Variants in SRFBP1 observed in about 807,000 individuals in gnomAD.
The protein encoded by SRFBP1 is serum response factor-binding protein 1.
Under a neutral mutation model 45.5 loss-of-function variants are expected in SRFBP1, and 47 were observed. The ratio of observed to expected loss-of-function variants is 1.03; its 90% CI spans 0.82 to 1.32. SRFBP1 has a LOEUF of 1.32. Among genes scored for constraint, SRFBP1 ranks in the 40% most tolerant of loss-of-function variants. The pLI, the probability that SRFBP1 is intolerant of heterozygous loss-of-function variation, is 0.00. For missense variants in SRFBP1, 621 were observed against 484.6 expected, an observed-to-expected ratio of 1.28 and a Z score of -2.64; for synonymous variants, 203 against 166.3, an observed-to-expected ratio of 1.22 and a Z score of -1.70.
chr5:122,016,742 C>T (rs1753200892), intron 4 of SRFBP1, among the ~76,000 whole-genome samples: 1 of 152,104 alleles, frequency 6.6e-6, no homozygotes, highest in Non-Finnish European at 1.5e-5. Context: ...TTCTATCTTT[C>T]CTCTATTGTA....
chr5:121,999,897 T>C (rs1375568896), intron 4 of SRFBP1, among the ~76,000 whole-genome samples: 2 of 152,138 alleles, frequency 1.3e-5, no homozygotes, highest in Non-Finnish European at 2.9e-5. Flanking sequence ...AATCTGATAA[T>C]CTCTCTTTTA....
chr5:121,975,272 T>C (rs1209854989), intron 2 of SRFBP1, 43 bp from the exon 3 acceptor site: 1 of 1,594,218 alleles, frequency 6.3e-7, no homozygotes, highest in Non-Finnish European at 8.6e-7. Context: ...AAGTCTAAAA[T>C]TAATGCTTTG....
At chr5:122,003,342 C>T (rs1440102552) in intron 4 of SRFBP1, among the ~76,000 whole-genome samples, 2 of 130,172 alleles carry the variant, frequency 1.5e-5, no homozygotes, top group African/African-American at 3.2e-5. Context: ...GACCCTGTCT[C>T]AGAGAAAAAA....
chr5:122,077,767 G>T (rs752995014), downstream of SRFBP1: 258 of 1,551,522 alleles, frequency 1.7e-4, no homozygotes, highest in Non-Finnish European at 2.1e-4. The surrounding 1 kb of genome is among the most constrained non-coding windows in gnomAD (Gnocchi z 4.9). Flanking sequence ...GGACGGCGGC[G>T]CCCGGGTCCC....
chr5:122,003,511 G>T (rs914671405), intron 4 of SRFBP1, among the ~76,000 whole-genome samples: 12 of 151,990 alleles, frequency 7.9e-5, no homozygotes, highest in African/African-American at 1.2e-4. Context: ...ACAATAATTG[G>T]TTTTTTGCCA....
intron 2 of SRFBP1, among the ~76,000 whole-genome samples, chr5:122,052,816 G>A (rs1754013606): frequency 6.6e-6 from 1 of 152,196 alleles, no homozygotes; most frequent in Non-Finnish European, 1.5e-5. Flanking sequence ...GGAGGAAAGA[G>A]GCTTTTTGAG....
At chr5:122,023,675 A>G (rs1753410551) in intron 7 of SRFBP1, among the ~76,000 whole-genome samples, 1 of 152,176 alleles carries the variant, frequency 6.6e-6, no homozygotes, top group Non-Finnish European at 1.5e-5. Context: ...GGTATTTAAC[A>G]TGATCTCTTT....
rs2112707314 is a variant in SRFBP1 at position 122,020,212 on chromosome 5, G to C, written c.477G>C (p.Gln159His). ...CAAATGATAATGGAAGTAATTTACA[G>C]CGTGAAGCAACTGTCATCAGTGAGC... Reference protein sequence around the residue: ...LYSNDNGSNLQREATVISEQK... With the variant: ...LYSNDNGSNLHREATVISEQK... The change falls in exon 6 of 8, where the codon CAG becomes CAC. Residue 159 changes from glutamine to histidine, a missense_variant. Coordinates refer to ENST00000339397, the MANE Select transcript of SRFBP1 (RefSeq NM_152546.3). The C allele has an allele frequency of 3.1e-6, 5 of 1,613,544 alleles. No homozygotes were observed. In the East Asian group the frequency reaches 8.9e-5, roughly 29 times the overall value.
At chr5:122,008,835 A>T (rs988283186) in intron 4 of SRFBP1, among the ~76,000 whole-genome samples, 34 of 152,322 alleles carry the variant, frequency 2.2e-4, no homozygotes, top group African/African-American at 8.2e-4. Context: ...GGCATATTTC[A>T]GAAACTAGGA....
chr5:122,032,296 G>A (rs1472371442), downstream of SRFBP1, among the ~76,000 whole-genome samples: 1 of 150,550 alleles, frequency 6.6e-6, no homozygotes, highest in African/African-American at 2.4e-5. Context: ...TATATGAAAC[G>A]GCAACACTGT....
At chr5:122,025,853 C>A (rs1278709761) in intron 7 of SRFBP1, among the ~76,000 whole-genome samples, 1 of 152,178 alleles carries the variant, frequency 6.6e-6, no homozygotes, top group Non-Finnish European at 1.5e-5. Context: ...GTAATCCCAG[C>A]ACTTTGGGAG....
chr5:122,002,596 AATC>A (rs1752892471), intron 4 of SRFBP1, among the ~76,000 whole-genome samples: 1 of 152,224 alleles, frequency 6.6e-6, no homozygotes, highest in East Asian at 1.9e-4. Context: ...CCTAAGGAGG[AATC>A]ATCAGTCCAC....
At chr5:122,029,219 A>G (rs1478447946), downstream of SRFBP1, among the ~76,000 whole-genome samples, 1 of 152,132 alleles carries the variant, frequency 6.6e-6, no homozygotes, top group Admixed American at 6.5e-5. Context: ...AAAGAATTTT[A>G]TAGCCCAAAA....
intron 4 of SRFBP1, among the ~76,000 whole-genome samples, chr5:122,018,714 T>C (rs1753236065): frequency 6.6e-6 from 1 of 152,178 alleles, no homozygotes; most frequent in African/African-American, 2.4e-5. Context: ...TCCAAATTTA[T>C]AAATATATTG....
At chr5:122,044,218 A>G (rs1753815005) in intron 2 of SRFBP1, among the ~76,000 whole-genome samples, 1 of 152,168 alleles carries the variant, frequency 6.6e-6, no homozygotes, top group African/African-American at 2.4e-5. Flanking sequence ...CATATGGGGC[A>G]TATGTACCAC....
intron 1 of SRFBP1, among the ~76,000 whole-genome samples, chr5:121,966,235 G>A (rs558906316): frequency 6.6e-6 from 1 of 152,266 alleles, no homozygotes; most frequent in East Asian, 1.9e-4. Flanking sequence ...ATGTTGTAAA[G>A]AGATTAAGAT....
intron 4 of SRFBP1, among the ~76,000 whole-genome samples, chr5:122,008,234 G>A (rs1432953249): frequency 6.6e-6 from 1 of 152,062 alleles, no homozygotes; most frequent in East Asian, 1.9e-4. Flanking sequence ...TTCAGAACCT[G>A]GGGCCACTGA....
intron 4 of SRFBP1, among the ~76,000 whole-genome samples, chr5:122,005,108 G>A (rs74290046): frequency 2.0e-5 from 3 of 152,128 alleles, no homozygotes; most frequent in Non-Finnish European, 4.4e-5. Flanking sequence ...TTCTTGAGAA[G>A]AAGTATTCTG....
At chr5:121,968,066 C>A (rs79792126) in intron 1 of SRFBP1, among the ~76,000 whole-genome samples, 1 of 151,974 alleles carries the variant, frequency 6.6e-6, no homozygotes, top group South Asian at 2.1e-4. Flanking sequence ...TAGTAACATA[C>A]GTATCTATAC....
Sources: allele counts gnomAD v4.1 joint callset (sites outside exome capture counted in the v4.1 genomes callset), GRCh38; gene constraint gnomAD v4.1.1; non-coding constraint Gnocchi (gnomAD v3.1); transcripts MANE v1.5; gene names NCBI Gene and HGNC (gene_info 2026-07-23, HGNC 2026-07-21).